The following SMAP1 variants were observed in gnomAD, a reference collection of about 807,000 sequenced individuals.
SMAP1 encodes the protein stromal membrane-associated protein 1.
A neutral mutation model predicts 58.5 loss-of-function variants in SMAP1; 24 were observed. The ratio of observed to expected loss-of-function variants is 0.41; its 90% CI spans 0.30 to 0.58. SMAP1 has a LOEUF of 0.58. Among genes scored for constraint, SMAP1 ranks in the 20% least tolerant of loss-of-function variants. The pLI, the probability that SMAP1 is intolerant of heterozygous loss-of-function variation, is 0.29. For missense variants in SMAP1, 563 were observed against 566.3 expected (o/e 0.99, Z 0.06); for synonymous variants, 216 against 196.6 (o/e 1.10, Z -0.82).
intron 2 of SMAP1, among the ~76,000 whole-genome samples, chr6:70,746,569 T>C (rs1363461936): frequency 6.6e-6 from 1 of 152,180 alleles, no homozygotes; most frequent in African/African-American, 2.4e-5. Context: ...CCGGATTCGG[T>C]TTTCCAGTAT....
chr6:70,732,597 T>C, intron 2 of SMAP1, 86 bp downstream of exon 2: 3 of 1,208,950 alleles, frequency 2.5e-6, no homozygotes, highest in South Asian at 2.8e-5. Flanking sequence ...AGGATTAACA[T>C]TGAAAAGTAG....
chr6:70,814,058 T>A (rs1223042976), intron 6 of SMAP1, among the ~76,000 whole-genome samples: 4 of 152,154 alleles, frequency 2.6e-5, no homozygotes, highest in African/African-American at 9.7e-5. Flanking sequence ...TGTTCTATTT[T>A]TAAAAATGAT....
intron 4 of SMAP1, among the ~76,000 whole-genome samples, chr6:70,776,338 G>A (rs1195891767): frequency 6.6e-6 from 1 of 151,932 alleles, no homozygotes; most frequent in Admixed American, 6.6e-5. Flanking sequence ...GTGCTACCAC[G>A]CCCAGCTAAT....
intron 6 of SMAP1, among the ~76,000 whole-genome samples, chr6:70,819,328 G>T (rs1223492493): frequency 7.0e-6 from 1 of 142,776 alleles, no homozygotes; most frequent in Non-Finnish European, 1.5e-5. Context: ...ATGTAAGGGT[G>T]AAAAAAAAAA....
At chr6:70,804,137 G>A (rs899786012) in intron 6 of SMAP1, among the ~76,000 whole-genome samples, 2 of 152,084 alleles carry the variant, frequency 1.3e-5, no homozygotes, top group African/African-American at 4.8e-5. Flanking sequence ...CTCTTTGTAG[G>A]TCTCTAAGGA....
intron 1 of SMAP1, among the ~76,000 whole-genome samples, chr6:70,713,841 GAAGTCACCT>G (rs1768157491): frequency 6.6e-6 from 1 of 152,102 alleles, no homozygotes; most frequent in South Asian, 2.1e-4. Flanking sequence ...ATGGGGTACT[GAAGTCACCT>G]ACTATTACTG....
At chr6:70,832,256 A>T (rs1023307535) in intron 6 of SMAP1, among the ~76,000 whole-genome samples, 1 of 152,148 alleles carries the variant, frequency 6.6e-6, no homozygotes, top group African/African-American at 2.4e-5. Flanking sequence ...GACGCTCTTT[A>T]GCTTAATGAG....
At chr6:70,727,340 C>T (rs1562117993) in intron 1 of SMAP1, among the ~76,000 whole-genome samples, 2 of 152,174 alleles carry the variant, frequency 1.3e-5, no homozygotes, top group African/African-American at 4.8e-5. Context: ...AATTCCTGGC[C>T]TTAAGTTATC....
intron 2 of SMAP1, among the ~76,000 whole-genome samples, chr6:70,754,120 T>G (rs1327756199): frequency 6.6e-6 from 1 of 152,106 alleles, no homozygotes; most frequent in Non-Finnish European, 1.5e-5. Context: ...AGAAATATTA[T>G]GAAAACTGAT....
chr6:70,698,015 T>A (rs1767482106), intron 1 of SMAP1, among the ~76,000 whole-genome samples: 1 of 152,250 alleles, frequency 6.6e-6, no homozygotes, highest in Non-Finnish European at 1.5e-5. Context: ...TACCTTAAGA[T>A]GATTTCTTAT....
At chr6:70,669,143 TAAG>T (rs560891625) in intron 1 of SMAP1, among the ~76,000 whole-genome samples, 305 of 152,300 alleles carry the variant, frequency 2.0e-3, no homozygotes, top group Non-Finnish European at 3.3e-3. Context: ...CTTGTGTAGT[TAAG>T]AAAAGATCGT....
chr6:70,778,883 G>A (rs1767651401), intron 4 of SMAP1, among the ~76,000 whole-genome samples: 1 of 152,210 alleles, frequency 6.6e-6, no homozygotes, highest in Admixed American at 6.5e-5. Context: ...CTGGGTGTGT[G>A]GGCACTGACA....
Position 70,837,028 on chromosome 6 carries a change from G to T in SMAP1, c.664G>T (p.Asp222Tyr). Residue 222 changes from aspartate (D) to tyrosine (Y), a missense_variant and splice_region_variant, in exon 7 of 11, where the codon GAT (aspartate) becomes TAT (tyrosine). Around this residue, in one of 3 missense-constraint regions of SMAP1, gnomAD observed 494 missense variants for 473.8 expected, o/e 1.04. Coordinates refer to ENST00000370455, the MANE Select transcript of SMAP1 (RefSeq NM_001044305.3). ...GCCCACTGTGGATCTTTTAGGACTT[G>T]GTAAGTAATAAAAAATAAAAGTCAC... ...AEPTVDLLGL[D>Y]GPAVAPVTNG... 1.3e-6 allele frequency: 2 copies of T among 1,568,208 alleles called. No individual in the cohort carries two copies. Among genetic ancestry groups the T allele is most frequent in the Non-Finnish European group, 1.7e-6 (2 of 1,160,442 alleles).
intron 6 of SMAP1, among the ~76,000 whole-genome samples, chr6:70,817,500 T>C (rs1046893669): frequency 6.6e-6 from 1 of 152,198 alleles, no homozygotes; most frequent in South Asian, 2.1e-4. Flanking sequence ...CTGGGACTTT[T>C]TCTCTTCAAA....
chr6:70,832,263 T>C (rs745353457), intron 6 of SMAP1, among the ~76,000 whole-genome samples: 2 of 152,248 alleles, frequency 1.3e-5, no homozygotes, highest in Admixed American at 6.5e-5. Context: ...TTTAGCTTAA[T>C]GAGGTCCCAT....
chr6:70,846,868 C>T (rs1231991447), intron 7 of SMAP1, among the ~76,000 whole-genome samples: 1 of 152,128 alleles, frequency 6.6e-6, no homozygotes, highest in Non-Finnish European at 1.5e-5. Context: ...CCGGGTGCAC[C>T]ATTGAGACCC....
intron 3 of SMAP1, among the ~76,000 whole-genome samples, chr6:70,766,062 A>G (rs988369861): frequency 1.3e-4 from 20 of 152,114 alleles, no homozygotes; most frequent in Non-Finnish European, 2.9e-4. Flanking sequence ...GTTTCCCTAC[A>G]AAGGACATGA....
At chr6:70,835,467 A>G (rs750778624) in intron 6 of SMAP1, among the ~76,000 whole-genome samples, 1 of 152,098 alleles carries the variant, frequency 6.6e-6, no homozygotes, top group Non-Finnish European at 1.5e-5. Context: ...TGATCTTGAA[A>G]TGGTTTGAGA....
chr6:70,696,320 T>A (rs1207855234), intron 1 of SMAP1, among the ~76,000 whole-genome samples: 2 of 152,162 alleles, frequency 1.3e-5, no homozygotes, highest in African/African-American at 4.8e-5. Context: ...TTGCTAGTGT[T>A]TAAAGCTACA....
Sources: allele counts gnomAD v4.1 joint callset (sites outside exome capture counted in the v4.1 genomes callset), GRCh38; gene constraint gnomAD v4.1.1; regional missense constraint gnomAD v4.1.1; transcripts MANE v1.5; gene names NCBI Gene and HGNC (gene_info 2026-07-23, HGNC 2026-07-21).